MAPKAP1: variants seen among roughly 807,000 people sequenced by gnomAD.
The protein encoded by MAPKAP1 is MAPK associated protein 1.
Under a neutral mutation model 65.7 loss-of-function variants are expected in MAPKAP1, and 20 were observed. The observed-to-expected ratio is 0.30, with a 90% confidence interval of 0.21 to 0.44. MAPKAP1 has a LOEUF of 0.44. Ranked by LOEUF, MAPKAP1 falls within the 20% of genes least tolerant of loss-of-function variation. The pLI is 1.00. For synonymous variants in MAPKAP1, 222 were observed against 244.3 expected (o/e 0.91, Z 0.85); for missense variants, 423 against 648.0 (o/e 0.65, Z 3.77).
Position 125,540,599 on chromosome 9 carries a change from C to T in MAPKAP1, c.958+2460G>A, listed in dbSNP as rs760019116. 3.9e-5 allele frequency among the ~76,000 whole-genome samples: 6 copies of T among 152,172 alleles called. 1 individual carries two copies. Among genetic ancestry groups the T allele is most frequent in the Admixed American group, 3.9e-4 (6 of 15,270 alleles). ...ACTCAATCAGGTAAAAGGGGTTTGA[C>T]GACAGGGATGATCACTCTAATTCTG... On this transcript the variant is annotated intron_variant, in intron 7 of 11. Transcript: ENST00000265960.
chr9:125,604,563 A>G (rs903377567), intron 4 of MAPKAP1, among the ~76,000 whole-genome samples: 1 of 152,236 alleles, frequency 6.6e-6, no homozygotes, highest in Non-Finnish European at 1.5e-5. Flanking sequence ...TGAGCAACAC[A>G]TTTTCATACA....
intron 8 of MAPKAP1, among the ~76,000 whole-genome samples, chr9:125,491,289 C>A (rs1166698046): frequency 6.6e-6 from 1 of 151,782 alleles, no homozygotes; most frequent in African/African-American, 2.4e-5. Flanking sequence ...ACAAAAAATA[C>A]AAAAATTAGC....
intron 8 of MAPKAP1, among the ~76,000 whole-genome samples, chr9:125,487,182 C>T (rs1336514652): frequency 6.6e-6 from 1 of 152,206 alleles, no homozygotes; most frequent in East Asian, 1.9e-4. Context: ...CAGAGCTTCA[C>T]TCCACATCTG....
chr9:125,548,215 TG>T (rs1422774033), intron 6 of MAPKAP1, among the ~76,000 whole-genome samples: 2 of 152,232 alleles, frequency 1.3e-5, no homozygotes, highest in African/African-American at 4.8e-5. Context: ...ATCAACAATG[TG>T]GTCCCTAACC....
chr9:125,625,869 GTTTTA>G lies in MAPKAP1; in HGVS notation c.498+31777_498+31781del, dbSNP rs951915970. On this transcript the variant is annotated intron_variant, in intron 4 of 11. Coordinates refer to ENST00000265960, the MANE Select transcript of MAPKAP1 (RefSeq NM_001006617.3). Reference sequence around the variant, plus strand: ...AATTCACAGCAAAAGCTTACAAAACGTTTTATTTTTAGTTTCAAGTTTTAATCCTT... The same window carrying G: ...AATTCACAGCAAAAGCTTACAAAACGTTTTTAGTTTCAAGTTTTAATCCTT... Among the ~76,000 whole-genome samples, 5 of 152,154 alleles carry G rather than the reference GTTTTA, an allele frequency of 3.3e-5. 1 individual carries two copies. Among genetic ancestry groups the G allele is most frequent in the African/African-American group, 1.2e-4 (5 of 41,502 alleles).
intron 7 of MAPKAP1, among the ~76,000 whole-genome samples, chr9:125,539,980 T>C (rs1830193590): frequency 3.9e-5 from 6 of 152,216 alleles, no homozygotes. Flanking sequence ...ATTCTTTTCA[T>C]ATGAATATTA....
chr9:125,571,846 G>A (rs768037287), intron 5 of MAPKAP1, among the ~76,000 whole-genome samples: 3 of 152,046 alleles, frequency 2.0e-5, no homozygotes, highest in Non-Finnish European at 4.4e-5. Context: ...CTGCTCGACG[G>A]GAGCGAGACT....
At chr9:125,588,549 TTTATC>T (rs1404142344) in intron 4 of MAPKAP1, among the ~76,000 whole-genome samples, 5 of 152,178 alleles carry the variant, frequency 3.3e-5, no homozygotes, top group Non-Finnish European at 5.9e-5. Context: ...TATGTAATGT[TTTATC>T]TTAAGAAAAA....
intron 5 of MAPKAP1, among the ~76,000 whole-genome samples, chr9:125,579,956 A>G (rs1831567478): frequency 6.6e-6 from 1 of 152,246 alleles, no homozygotes; most frequent in Non-Finnish European, 1.5e-5. Flanking sequence ...AAAATGTCAT[A>G]TAATTGTAGT....
intron 7 of MAPKAP1, among the ~76,000 whole-genome samples, chr9:125,509,817 T>C (rs952606852): frequency 3.3e-5 from 5 of 152,206 alleles, no homozygotes; most frequent in East Asian, 1.9e-4. Flanking sequence ...TGCAGCTGCC[T>C]GGGAAACGTG....
At chr9:125,440,101 G>A (rs899613218) in intron 11 of MAPKAP1, among the ~76,000 whole-genome samples, 3 of 152,188 alleles carry the variant, frequency 2.0e-5, no homozygotes, top group Non-Finnish European at 4.4e-5. Flanking sequence ...CCAGGGAGGG[G>A]TGCTACAGTG....
intron 4 of MAPKAP1, among the ~76,000 whole-genome samples, chr9:125,656,915 A>G (rs1202001386): frequency 6.6e-6 from 1 of 152,152 alleles, no homozygotes; most frequent in Non-Finnish European, 1.5e-5. Context: ...CCATGTTTCT[A>G]AAAGGAAAAC....
At chr9:125,553,572 C>T (rs116126655) in intron 6 of MAPKAP1, among the ~76,000 whole-genome samples, 1,662 of 151,620 alleles carry the variant, frequency 0.011, 39 homozygotes, top group African/African-American at 0.037. Flanking sequence ...GAGGGCAAGA[C>T]GGAAAGAAAG....
intron 9 of MAPKAP1, chr9:125,472,039 A>G (rs1853944512): frequency 6.6e-6 from 1 of 152,250 alleles, no homozygotes; most frequent in Non-Finnish European, 1.5e-5. Context: ...ACGAGGAAAC[A>G]GAAACACAGT....
rs1375129226 is a variant in MAPKAP1 at position 125,682,242 on chromosome 9, T to A, written c.-69-9599A>T. ...TAGTGGAAAAACATAGACTTTGGTA[T>A]CAGAAATGTCATTTTGTACAGATAA... On this transcript the variant is annotated intron_variant, in intron 1 of 11. Coordinates refer to ENST00000265960, the MANE Select transcript of MAPKAP1 (RefSeq NM_001006617.3). Among the ~76,000 whole-genome samples the A allele has an allele frequency of 2.6e-5, 4 of 152,276 alleles. No individual in the cohort carries two copies. In the East Asian group the frequency reaches 7.7e-4, roughly 29 times the overall value.
intron 5 of MAPKAP1, among the ~76,000 whole-genome samples, chr9:125,578,682 T>C (rs1197904754): frequency 1.3e-5 from 2 of 152,120 alleles, no homozygotes; most frequent in Non-Finnish European, 2.9e-5. Context: ...GAAGTAGAAC[T>C]GATAATAAAG....
chr9:125,580,417 T>C lies in MAPKAP1; in HGVS notation c.671+5138A>G, dbSNP rs985861756. 2.5e-4 allele frequency among the ~76,000 whole-genome samples: 38 copies of C among 151,566 alleles called. 1 individual carries two copies. In the South Asian group the frequency reaches 7.3e-3, roughly 29 times the overall value. ...TGGATAAAGCTGGAAACCATCATTC[T>C]GAGCAAACTATCACAAGGACAGAAA... On this transcript the variant is annotated intron_variant, in intron 5 of 11. Coordinates refer to ENST00000265960, the MANE Select transcript of MAPKAP1 (RefSeq NM_001006617.3).
chr9:125,659,146 T>G (rs1834115770), intron 3 of MAPKAP1, among the ~76,000 whole-genome samples: 1 of 152,240 alleles, frequency 6.6e-6, no homozygotes, highest in African/African-American at 2.4e-5. Context: ...CTACCTGTAA[T>G]CTATTACCAC....
intron 7 of MAPKAP1, among the ~76,000 whole-genome samples, chr9:125,509,462 A>C (rs1301494652): frequency 6.6e-6 from 1 of 152,224 alleles, no homozygotes; most frequent in Non-Finnish European, 1.5e-5. Flanking sequence ...TAAAAACACC[A>C]GATAAACTTA....
Sources: allele counts gnomAD v4.1 joint callset (sites outside exome capture counted in the v4.1 genomes callset), GRCh38; gene constraint gnomAD v4.1.1; transcripts MANE v1.5; gene names NCBI Gene and HGNC (gene_info 2026-07-23, HGNC 2026-07-21).